Variants in LINGO1 observed in about 807,000 individuals in gnomAD.
LINGO1 encodes leucine rich repeat and Ig domain containing 1, also known as leucine-rich repeat and immunoglobulin-like domain-containing nogo receptor-interacting protein 1.
Under a neutral mutation model 37.3 loss-of-function variants are expected in LINGO1, and 11 were observed. That is an observed-to-expected ratio of 0.29 (90% confidence interval 0.19 to 0.49). LINGO1 has a LOEUF of 0.49. Among genes scored for constraint, LINGO1 ranks in the 20% least tolerant of loss-of-function variants. The pLI, the probability that LINGO1 is intolerant of heterozygous loss-of-function variation, is 0.99. For missense variants in LINGO1, 585 were observed against 878.2 expected (o/e 0.67, Z 4.22); for synonymous variants, 387 against 403.0 (o/e 0.96, Z 0.48).
chr15:77,784,083 G>A (rs1270820991), intron 1 of LINGO1, among the ~76,000 whole-genome samples: 1 of 152,238 alleles, frequency 6.6e-6, no homozygotes, highest in African/African-American at 2.4e-5. Flanking sequence ...CCTGGGACAG[G>A]TAAACTGAGG....
intron 1 of LINGO1, among the ~76,000 whole-genome samples, chr15:77,622,392 C>T (rs975313921): frequency 2.0e-5 from 3 of 152,152 alleles, no homozygotes; most frequent in East Asian, 3.9e-4. Flanking sequence ...GTTCCCAGCC[C>T]CCACCACCTG....
chr15:77,777,453 A>T (rs11631577), intron 1 of LINGO1, among the ~76,000 whole-genome samples: 69,898 of 124,568 alleles, frequency 0.56, 17,223 homozygotes, highest in South Asian at 0.64. Context: ...GATTTTGGAC[A>T]TATACACACA....
At chr15:77,771,336 G>T (rs2141403225) in intron 1 of LINGO1, among the ~76,000 whole-genome samples, 1 of 152,278 alleles carries the variant, frequency 6.6e-6, no homozygotes, top group Admixed American at 6.5e-5. Flanking sequence ...TCCAGATGAG[G>T]GAACGAGACT....
At chr15:77,684,186 T>C (rs1382143416) in intron 2 of LINGO1, among the ~76,000 whole-genome samples, 1 of 152,206 alleles carries the variant, frequency 6.6e-6, no homozygotes, top group Non-Finnish European at 1.5e-5. Context: ...TTCTGTAACA[T>C]GTAACAGTGG....
At chr15:77,815,877 C>T (rs969627295) in intron 1 of LINGO1, among the ~76,000 whole-genome samples, 1 of 152,182 alleles carries the variant, frequency 6.6e-6, no homozygotes, top group Non-Finnish European at 1.5e-5. Flanking sequence ...GGATCCTCTT[C>T]TGTCTGGTGC....
chr15:77,684,655 T>G (rs771261994), intron 2 of LINGO1, among the ~76,000 whole-genome samples: 2 of 152,186 alleles, frequency 1.3e-5, no homozygotes, highest in Admixed American at 6.5e-5. Context: ...GCTGGTCTCC[T>G]GGGTAGGGGG....
chr15:77,751,611 T>C (rs1196914743), intron 1 of LINGO1, among the ~76,000 whole-genome samples: 1 of 152,176 alleles, frequency 6.6e-6, no homozygotes, highest in African/African-American at 2.4e-5. Flanking sequence ...CTTTCCATCC[T>C]GGCCCTCCCT....
intron 3 of LINGO1, among the ~76,000 whole-genome samples, chr15:77,660,980 T>C (rs2074979893): frequency 6.6e-6 from 1 of 152,022 alleles, no homozygotes; most frequent in African/African-American, 2.4e-5. Context: ...CAGGGGGTGA[T>C]TATGGGCAAA....
At chr15:77,623,097 A>C (rs2073975015) in intron 1 of LINGO1, among the ~76,000 whole-genome samples, 1 of 152,238 alleles carries the variant, frequency 6.6e-6, no homozygotes, top group East Asian at 1.9e-4. Flanking sequence ...AGAGCCCACC[A>C]GACAAATGCT....
At chr15:77,758,453 C>T (rs2076442071) in intron 1 of LINGO1, among the ~76,000 whole-genome samples, 1 of 152,134 alleles carries the variant, frequency 6.6e-6, no homozygotes, top group Non-Finnish European at 1.5e-5. Flanking sequence ...CATCTGCAAG[C>T]TCTGAGAGGA....
At chr15:77,659,526 G>T (rs923208936) in intron 3 of LINGO1, among the ~76,000 whole-genome samples, 9 of 152,204 alleles carry the variant, frequency 5.9e-5, no homozygotes, top group Admixed American at 4.6e-4. Flanking sequence ...TTGTGGACAT[G>T]GAGGCTCAGA....
chr15:77,720,102 C>A (rs976341790), intron 2 of LINGO1, among the ~76,000 whole-genome samples: 1 of 150,176 alleles, frequency 6.7e-6, no homozygotes, highest in Non-Finnish European at 1.5e-5. Flanking sequence ...ACCACCACCC[C>A]CTTGGCTTCA....
chr15:77,726,407 C>A lies in LINGO1; in HGVS notation c.-195+8585G>T, dbSNP rs1044225808. Among the ~76,000 whole-genome samples, 4 of 152,176 alleles carry A rather than the reference C, an allele frequency of 2.6e-5. No homozygotes were observed. In the South Asian group the frequency reaches 8.3e-4, roughly 32 times the overall value. ...GACCCAGAGGAGGAAAGACTCAGGGCCAGAGCAATAGGCATCATCAGGAAG... is the reference window on the plus strand; with the variant it reads ...GACCCAGAGGAGGAAAGACTCAGGGACAGAGCAATAGGCATCATCAGGAAG... On this transcript the variant is annotated intron_variant, in intron 2 of 3. Transcript: ENST00000561686.
At chr15:77,800,051 G>A (rs2076905068) in intron 1 of LINGO1, among the ~76,000 whole-genome samples, 1 of 152,214 alleles carries the variant, frequency 6.6e-6, no homozygotes, top group Non-Finnish European at 1.5e-5. Context: ...GCCAGGTCCA[G>A]AGCTGTGGGA....
At position 77,615,079 on chromosome 15, in the gene LINGO1, G is replaced by T. The variant is rs373315545; in HGVS notation, c.828C>A (p.Thr276=). 1.9e-6 allele frequency: 3 copies of T among 1,614,004 alleles called. No individual in the cohort carries two copies. The East Asian group carries it at 6.7e-5, about 36-fold the overall frequency. ...TSLSITHCNL[T]AVPYLAVRHL... is the part of the protein sequence containing the mutation. The stretch of plus-strand genomic sequence containing the variant: ...GGCGGACGGCCAGGTAGGGCACAGC[G>T]GTCAGATTGCAGTGTGTGATGGACA... The change falls in exon 2 of 2, where the codon ACC becomes ACA. Residue 276 remains threonine, a synonymous_variant. Coordinates refer to ENST00000355300, the MANE Select transcript of LINGO1 (RefSeq NM_032808.7).
chr15:77,767,968 ACT>A (rs1302673438), intron 1 of LINGO1, among the ~76,000 whole-genome samples: 1 of 152,220 alleles, frequency 6.6e-6, no homozygotes, highest in Admixed American at 6.5e-5. Flanking sequence ...GGAAGTAAAC[ACT>A]CAAACAATCC....
At chr15:77,776,480 G>GGCAGGAAGGCAGGAAGGCAGGAAA in intron 1 of LINGO1, among the ~76,000 whole-genome samples, 1 of 116,398 alleles carries the variant, frequency 8.6e-6, no homozygotes, top group African/African-American at 3.2e-5. Context: ...AAGGCAGGAA[G>GGCAGGAAGGCAGGAAGGCAGGAAA]GCAGGAAAGC....
chr15:77,761,559 G>C (rs1250961306), intron 1 of LINGO1, among the ~76,000 whole-genome samples: 1 of 152,170 alleles, frequency 6.6e-6, no homozygotes, highest in African/African-American at 2.4e-5. Context: ...GTGCTCCTTT[G>C]AGTTAAGATG....
At chr15:77,664,170 T>TGTGTGCGCGCGCGC in intron 3 of LINGO1, among the ~76,000 whole-genome samples, 47 of 131,006 alleles carry the variant, frequency 3.6e-4, no homozygotes, top group Middle Eastern at 3.6e-3. Context: ...TGTGTGTGTG[T>TGTGTGCGCGCGCGC]GCGCGCGCGC....
Sources: allele counts gnomAD v4.1 joint callset (sites outside exome capture counted in the v4.1 genomes callset), GRCh38; gene constraint gnomAD v4.1.1; transcripts MANE v1.5; gene names NCBI Gene and HGNC (gene_info 2026-07-23, HGNC 2026-07-21).